The following TRAF3 variants were observed in gnomAD, a reference collection of about 807,000 sequenced individuals.
TRAF3 encodes the protein TNF receptor associated factor 3.
Under a neutral mutation model 62.3 loss-of-function variants are expected in TRAF3, and 13 were observed. The ratio of observed to expected loss-of-function variants is 0.21; its 90% confidence interval spans 0.14 to 0.33. TRAF3 has a LOEUF of 0.33. TRAF3 is among the 10% of genes least tolerant of loss of function. TRAF3 has a pLI of 1.00. For missense variants in TRAF3, 440 were observed against 741.8 expected, an observed-to-expected ratio of 0.59 and a Z score of 4.73; for synonymous variants, 269 against 283.4, an observed-to-expected ratio of 0.95 and a Z score of 0.51.
intron 1 of TRAF3, among the ~76,000 whole-genome samples, chr14:102,779,117 TGACA>T (rs2140040550): frequency 6.6e-6 from 1 of 152,310 alleles, no homozygotes; most frequent in Non-Finnish European, 1.5e-5. Flanking sequence ...ACGGAAACCC[TGACA>T]GACCTTGGAT....
At chr14:102,827,894 G>A (rs1900415066) in intron 1 of TRAF3, among the ~76,000 whole-genome samples, 1 of 151,508 alleles carries the variant, frequency 6.6e-6, no homozygotes, top group South Asian at 2.1e-4. Flanking sequence ...GGAAGTGCTT[G>A]CTGTACTTGG....
At chr14:102,887,418 A>G (rs1360224613) in intron 7 of TRAF3, among the ~76,000 whole-genome samples, 1 of 152,190 alleles carries the variant, frequency 6.6e-6, no homozygotes, top group Admixed American at 6.5e-5. Context: ...ACTCTCCCCC[A>G]GGGTGTGCCC....
chr14:102,882,454 CA>C (rs1472890319), intron 6 of TRAF3, among the ~76,000 whole-genome samples: 8 of 152,172 alleles, frequency 5.3e-5, no homozygotes, highest in Admixed American at 4.6e-4. Flanking sequence ...TCAGCCTGAC[CA>C]GGGGAGAGCA....
intron 2 of TRAF3, among the ~76,000 whole-genome samples, chr14:102,855,521 C>T (rs576834012): frequency 3.9e-5 from 6 of 152,132 alleles, no homozygotes; most frequent in Admixed American, 1.3e-4. Context: ...ATAGGCCAGG[C>T]GCAGTGGCTC....
chr14:102,892,285 C>T (rs1462724450), intron 9 of TRAF3, among the ~76,000 whole-genome samples: 4 of 152,072 alleles, frequency 2.6e-5, no homozygotes, highest in Admixed American at 6.6e-5. Context: ...CTCAAACTCC[C>T]GACCTCAGGT....
chr14:102,873,761 T>C (rs1387056365), intron 4 of TRAF3, among the ~76,000 whole-genome samples: 1 of 141,134 alleles, frequency 7.1e-6, no homozygotes, highest in Non-Finnish European at 1.5e-5. Flanking sequence ...GTCATGACCT[T>C]CTTTTTTTTT....
At chr14:102,786,999 C>T (rs900740905) in intron 1 of TRAF3, among the ~76,000 whole-genome samples, 8 of 152,034 alleles carry the variant, frequency 5.3e-5, no homozygotes, top group African/African-American at 1.9e-4. Context: ...GAGATCCTGT[C>T]TCAAAACAAG....
chr14:102,854,902 A>C (rs1451830400), intron 2 of TRAF3, among the ~76,000 whole-genome samples: 1 of 151,406 alleles, frequency 6.6e-6, no homozygotes, highest in African/African-American at 2.4e-5. Flanking sequence ...CATTTTGTAC[A>C]TTCACAGTGT....
chr14:102,782,874 A>G (rs1897324378), intron 1 of TRAF3, among the ~76,000 whole-genome samples: 1 of 152,164 alleles, frequency 6.6e-6, no homozygotes, highest in African/African-American at 2.4e-5. Context: ...GATTTCTTTA[A>G]GTGGAAAGAA....
chr14:102,906,146 C>T lies in TRAF3; in HGVS notation c.*362C>T. ...TGAACACCAAAAAAACACACACACA[C>T]ACACACGTGGGGATAGCTGGACATG... On this transcript the variant is annotated 3_prime_UTR_variant, in exon 12 of 12. Transcript: ENST00000392745. The T allele has an allele frequency of 4.7e-6, 1 of 211,836 alleles. No homozygotes were observed. Among genetic ancestry groups the T allele is most frequent in the Non-Finnish European group, 9.6e-6 (1 of 104,450 alleles). 13.1% of individuals were successfully genotyped at this position (211,836 alleles called of 1,614,324 possible). A position where few individuals can be genotyped will look rare whatever the true frequency, so the allele number is the denominator to read the frequency against.
intron 1 of TRAF3, among the ~76,000 whole-genome samples, chr14:102,789,513 C>T (rs935818161): frequency 4.6e-5 from 7 of 151,890 alleles, no homozygotes; most frequent in Admixed American, 6.6e-5. Flanking sequence ...AATGTGCCGA[C>T]GTCATAACAA....
intron 7 of TRAF3, 150 bp from the exon 8 acceptor site, chr14:102,889,410 T>C: frequency 1.3e-6 from 1 of 767,116 alleles, no homozygotes; most frequent in Non-Finnish European, 2.3e-6. Flanking sequence ...ATTTACTGCA[T>C]AGAAGTCTAG....
rs77976846 is a variant in TRAF3, at chr14:102,894,898, A to G, written c.820-2363A>G. Among the ~76,000 whole-genome samples the G allele has an allele frequency of 4.9e-4, 75 of 152,184 alleles. No homozygotes were observed. In the East Asian group the frequency reaches 0.011, roughly 22 times the overall value. The stretch of plus-strand genomic sequence containing the variant: ...TTTTTTGTAGAGATGGAGTTTCGCC[A>G]TGTTGTTATCCAGGCTGGTCTTCAA... On this transcript the variant is annotated intron_variant, in intron 9 of 11. Coordinates refer to ENST00000392745, the MANE Select transcript of TRAF3 (RefSeq NM_145725.3).
At chr14:102,810,220 A>G (rs1178547871) in intron 1 of TRAF3, among the ~76,000 whole-genome samples, 1 of 152,178 alleles carries the variant, frequency 6.6e-6, no homozygotes, top group Non-Finnish European at 1.5e-5. Flanking sequence ...GTTTTACAAG[A>G]TAAAGAATTT....
chr14:102,801,654 C>T (rs889671109), intron 1 of TRAF3, among the ~76,000 whole-genome samples: 1 of 152,020 alleles, frequency 6.6e-6, no homozygotes, highest in Non-Finnish European at 1.5e-5. Flanking sequence ...CCCATGTCAG[C>T]TTCCCAAGTA....
In TRAF3 at chr14:102,876,371, A is replaced by T. The variant is rs1464050160; in HGVS notation, c.416A>T (p.Asn139Ile). 6.2e-7 allele frequency: 1 copy of T among 1,614,212 alleles called. No individual in the cohort carries two copies. Among genetic ancestry groups the T allele is most frequent in the South Asian group, 1.1e-5 (1 of 91,084 alleles). Residue 139 changes from asparagine (N) to isoleucine (I), a missense_variant, in exon 6 of 12, where the codon AAT becomes ATT. This residue lies in a region of TRAF3 where 255 missense variants were observed against 424.1 expected (regional missense o/e 0.60). Coordinates refer to ENST00000392745, the MANE Select transcript of TRAF3 (RefSeq NM_145725.3). ...TCTGTCTTACAGGTGCATTTAAAAA[A>T]TGATTGCCATTTTGAAGAACTTCCA... Reference protein sequence around the residue: ...MLGHLLVHLKNDCHFEELPCV... With the variant: ...MLGHLLVHLKIDCHFEELPCV...
chr14:102,813,585 G>A (rs1219205157), intron 1 of TRAF3, among the ~76,000 whole-genome samples: 2 of 151,668 alleles, frequency 1.3e-5, no homozygotes, highest in East Asian at 3.9e-4. Flanking sequence ...TGAGTAGCTG[G>A]GACTACAGGC....
chr14:102,880,650 C>T (rs946548962), intron 6 of TRAF3, among the ~76,000 whole-genome samples: 4 of 152,172 alleles, frequency 2.6e-5, no homozygotes, highest in African/African-American at 7.2e-5. Context: ...TATAAGGATA[C>T]ATGCACATGT....
At chr14:102,843,527 G>A (rs1886507534) in intron 2 of TRAF3, among the ~76,000 whole-genome samples, 1 of 152,014 alleles carries the variant, frequency 6.6e-6, no homozygotes. Context: ...TTGTAGAAAC[G>A]GAGTCTCACT....
Sources: allele counts gnomAD v4.1 joint callset (sites outside exome capture counted in the v4.1 genomes callset), GRCh38; gene constraint gnomAD v4.1.1; regional missense constraint gnomAD v4.1.1; transcripts MANE v1.5; gene names NCBI Gene and HGNC (gene_info 2026-07-23, HGNC 2026-07-21).